RBM19: variants seen among roughly 807,000 people sequenced by gnomAD.
RBM19 encodes the protein probable RNA-binding protein 19.
Under a neutral mutation model 116.8 loss-of-function variants are expected in RBM19, and 94 were observed. The ratio of observed to expected loss-of-function variants is 0.80; its 90% CI spans 0.68 to 0.95. The LOEUF is 0.95. Among genes scored for constraint, RBM19 ranks in the 40% least tolerant of loss-of-function variants. RBM19 has a pLI of 0.00. For synonymous variants in RBM19, 475 were observed against 494.1 expected (o/e 0.96, Z 0.51); for missense variants, 1,161 against 1,220.7 (o/e 0.95, Z 0.73).
intron 21 of RBM19, among the ~76,000 whole-genome samples, chr12:113,892,042 A>G (rs915350454): frequency 2.0e-5 from 3 of 152,178 alleles, no homozygotes; most frequent in African/African-American, 7.2e-5. Context: ...TCCTGTAAAG[A>G]AAGGATCAGC....
intron 21 of RBM19, among the ~76,000 whole-genome samples, chr12:113,866,772 GC>G (rs1878839015): frequency 6.6e-6 from 1 of 152,250 alleles, no homozygotes; most frequent in South Asian, 2.1e-4. Context: ...GGGCCACTCA[GC>G]CCCAAGCTAG....
intron 21 of RBM19, among the ~76,000 whole-genome samples, chr12:113,897,636 ACT>A (rs774091702): frequency 4.6e-5 from 7 of 152,156 alleles, no homozygotes; most frequent in Non-Finnish European, 7.4e-5. Flanking sequence ...ATATAGCAAC[ACT>A]CTGTCTCTTA....
chr12:113,819,577 A>G (rs576903463), downstream of RBM19, among the ~76,000 whole-genome samples: 9 of 152,238 alleles, frequency 5.9e-5, no homozygotes, highest in South Asian at 1.9e-3. Flanking sequence ...TCTCTCCCAG[A>G]TCTTCTGGGT....
At chr12:113,966,028 T>G (rs1872838494) in intron 1 of RBM19, 164 bp downstream of exon 1, 1 of 731,400 alleles carries the variant, frequency 1.4e-6, no homozygotes, top group African/African-American at 1.8e-5. Context: ...TTCCTCGGGA[T>G]CAAATGGGGA....
chr12:113,939,719 C>T (rs1870382556), intron 15 of RBM19, among the ~76,000 whole-genome samples: 2 of 151,466 alleles, frequency 1.3e-5, no homozygotes, highest in Non-Finnish European at 2.9e-5. Context: ...CACTGCACTC[C>T]AGCCTGGGTG....
intron 22 of RBM19, among the ~76,000 whole-genome samples, chr12:113,854,928 G>A (rs1358970499): frequency 6.6e-6 from 1 of 152,246 alleles, no homozygotes; most frequent in Non-Finnish European, 1.5e-5. Flanking sequence ...TACAAAGCCA[G>A]CGCGCTCGCG....
intron 2 of RBM19, among the ~76,000 whole-genome samples, chr12:113,961,005 G>T (rs571854355): frequency 7.6e-4 from 115 of 152,282 alleles, no homozygotes; most frequent in African/African-American, 2.6e-3. Context: ...CTGCCCCTGG[G>T]GGAAGGAGCT....
At chr12:113,897,776 C>T (rs1004440055) in intron 21 of RBM19, among the ~76,000 whole-genome samples, 3 of 152,248 alleles carry the variant, frequency 2.0e-5, no homozygotes, top group Non-Finnish European at 4.4e-5. Flanking sequence ...TGAATCACTA[C>T]GCTACCAGCT....
chr12:113,840,794 A>C (rs1047598367), intron 23 of RBM19, among the ~76,000 whole-genome samples: 3 of 152,192 alleles, frequency 2.0e-5, no homozygotes, highest in African/African-American at 7.2e-5. Context: ...GACCCCAGGA[A>C]TATCACTTCC....
At chr12:113,874,581 C>T (rs1386358490) in intron 21 of RBM19, among the ~76,000 whole-genome samples, 2 of 152,196 alleles carry the variant, frequency 1.3e-5, no homozygotes, top group Non-Finnish European at 2.9e-5. Context: ...ACACTGTGCC[C>T]CACCCTGGGG....
chr12:113,841,686 A>G (rs893690413), intron 23 of RBM19, among the ~76,000 whole-genome samples: 3 of 152,130 alleles, frequency 2.0e-5, no homozygotes, highest in Non-Finnish European at 4.4e-5. Context: ...CGGCCTCACA[A>G]AGTGCTGGGA....
intron 22 of RBM19, among the ~76,000 whole-genome samples, chr12:113,851,617 C>T (rs1877454155): frequency 6.6e-6 from 1 of 152,198 alleles, no homozygotes. Flanking sequence ...GGTGCTTCAG[C>T]CTCTCAGAGC....
chr12:113,816,750 C>A (rs967134595), exon 25 of RBM19: 1 of 152,020 alleles, frequency 6.6e-6, no homozygotes, highest in Non-Finnish European at 1.5e-5. Context: ...TTCTATTAAT[C>A]TTTTATTATT....
chr12:113,953,259 C>T (rs888699783), intron 7 of RBM19, among the ~76,000 whole-genome samples: 6 of 152,158 alleles, frequency 3.9e-5, no homozygotes, highest in Admixed American at 6.5e-5. Flanking sequence ...GAGTCCAAGG[C>T]GGGTGATCAC....
At position 113,966,204 on chromosome 12, in the gene RBM19, A is replaced by G. The variant is rs759570785; in HGVS notation, c.24T>C (p.Asn8=). ...CCTCTGCACTCACCCCATTCGGGAG[A>G]TTCTTCACGATCAGTCGCGACATGG... MSRLIVK[N]LPNGMKEERF... is the part of the protein sequence containing the mutation. The change falls in exon 1 of 24, where the codon AAT becomes AAC. Residue 8 remains asparagine (N), a synonymous_variant. Coordinates refer to ENST00000261741, the MANE Select transcript of RBM19 (RefSeq NM_016196.4). 6.2e-7 allele frequency: 1 copy of G among 1,614,124 alleles called. No individual in the cohort carries two copies. Among genetic ancestry groups the G allele is most frequent in the South Asian group, 1.1e-5 (1 of 91,078 alleles).
chr12:113,884,126 A>C (rs909296134), intron 21 of RBM19, among the ~76,000 whole-genome samples: 10 of 151,208 alleles, frequency 6.6e-5, no homozygotes, highest in African/African-American at 2.2e-4. Context: ...AAAAAAAAAA[A>C]ACAAAAAACT....
At position 113,942,423 on chromosome 12, in the gene RBM19, G is replaced by T; in HGVS notation, c.1638C>A (p.Gly546=). 12 of 1,606,380 alleles carry T rather than the reference G, an allele frequency of 7.5e-6. No individual in the cohort carries two copies. Among genetic ancestry groups the T allele is most frequent in the Non-Finnish European group, 1.0e-5 (12 of 1,179,338 alleles). The change falls in exon 14 of 24, where the codon GGC becomes GGA. Residue 546 remains glycine (G), a synonymous_variant. Transcript: ENST00000261741. ...CCAGAGCCACGCGCACGGCCACGCT[G>T]CCCTTGGTCTCCTGTGGAAGAGGAA... The part of the protein sequence containing the change: ...KSQVFDHETK[G]SVAVRVALGE...
At chr12:113,964,107 A>G (rs1318841887) in intron 1 of RBM19, among the ~76,000 whole-genome samples, 1 of 152,244 alleles carries the variant, frequency 6.6e-6, no homozygotes, top group Non-Finnish European at 1.5e-5. Context: ...ATAAGGACAC[A>G]GGCTTATCCA....
chr12:113,863,155 C>T (rs1023461170), intron 21 of RBM19, among the ~76,000 whole-genome samples: 4 of 150,816 alleles, frequency 2.7e-5, no homozygotes, highest in East Asian at 2.0e-4. Flanking sequence ...ATAAACAAGT[C>T]GGGGGATGGA....
Sources: allele counts gnomAD v4.1 joint callset (sites outside exome capture counted in the v4.1 genomes callset), GRCh38; gene constraint gnomAD v4.1.1; transcripts MANE v1.5; gene names NCBI Gene and HGNC (gene_info 2026-07-23, HGNC 2026-07-21).